The following PTPRM variants were observed in gnomAD, a reference collection of about 807,000 sequenced individuals.
PTPRM encodes the protein protein tyrosine phosphatase receptor type M, also known as receptor-type tyrosine-protein phosphatase mu.
In PTPRM, 47 loss-of-function variants were observed where a neutral mutation model predicts 186.7. The ratio of observed to expected loss-of-function variants is 0.25; its 90% CI spans 0.20 to 0.32. The LOEUF is 0.32. Ranked by LOEUF, PTPRM falls within the 10% of genes least tolerant of loss-of-function variation. The pLI is 1.00. For synonymous variants in PTPRM, 668 were observed against 674.9 expected (o/e 0.99, Z 0.16); for missense variants, 1,494 against 1,865.0 (o/e 0.80, Z 3.66).
intron 4 of PTPRM, among the ~76,000 whole-genome samples, chr18:7,910,891 C>T (rs983782548): frequency 4.6e-5 from 7 of 152,238 alleles, no homozygotes; most frequent in African/African-American, 9.6e-5. Context: ...CAGCATGATT[C>T]GGCCTCAGGT....
At chr18:7,776,512 C>CTTT (rs34343910) in intron 2 of PTPRM, among the ~76,000 whole-genome samples, 65 of 146,072 alleles carry the variant, frequency 4.4e-4, no homozygotes, top group African/African-American at 1.5e-3. Flanking sequence ...CTTTTTCTTT[C>CTTT]TTTTTTTTTT....
At chr18:8,323,374 A>G (rs570723826) in intron 22 of PTPRM, among the ~76,000 whole-genome samples, 1 of 152,168 alleles carries the variant, frequency 6.6e-6, no homozygotes, top group South Asian at 2.1e-4. Context: ...CCAAAACCAT[A>G]TGGTTAATCC....
At chr18:7,882,133 A>G (rs1469204664) in intron 2 of PTPRM, among the ~76,000 whole-genome samples, 1 of 152,208 alleles carries the variant, frequency 6.6e-6, no homozygotes, top group Admixed American at 6.5e-5. Flanking sequence ...GTCCCTGACC[A>G]GTACAGAAAC....
chr18:7,739,025 A>C (rs2040834142), intron 1 of PTPRM, among the ~76,000 whole-genome samples: 1 of 152,080 alleles, frequency 6.6e-6, no homozygotes, highest in African/African-American at 2.4e-5. Flanking sequence ...CTAGCCACTG[A>C]GCTGGTCATT....
intron 2 of PTPRM, among the ~76,000 whole-genome samples, chr18:7,866,220 T>A (rs140995278): frequency 5.4e-4 from 83 of 152,320 alleles, no homozygotes; most frequent in African/African-American, 2.0e-3. Flanking sequence ...ATTTCTTGAC[T>A]TCTGCTAGCT....
intron 1 of PTPRM, among the ~76,000 whole-genome samples, chr18:7,606,819 A>G (rs1015990719): frequency 2.0e-5 from 3 of 152,126 alleles, no homozygotes; most frequent in Non-Finnish European, 2.9e-5. Flanking sequence ...TGTTTTCTTT[A>G]GTCTGCCTTA....
chr18:7,834,489 T>TATACACACACATACACACAC (rs1555613377), intron 2 of PTPRM, among the ~76,000 whole-genome samples: 9 of 3,796 alleles, frequency 2.4e-3, no homozygotes, highest in African/African-American at 8.4e-3. Flanking sequence ...AATATACAAG[T>TATACACACACATACACACAC]ATACACACAC....
intron 14 of PTPRM, among the ~76,000 whole-genome samples, chr18:8,191,898 A>G (rs918929286): frequency 1.3e-5 from 2 of 152,200 alleles, no homozygotes; most frequent in African/African-American, 4.8e-5. Flanking sequence ...AATTGACAGT[A>G]TTACCAACCT....
At chr18:7,788,652 T>C (rs2043199249) in intron 2 of PTPRM, among the ~76,000 whole-genome samples, 1 of 152,136 alleles carries the variant, frequency 6.6e-6, no homozygotes, top group Non-Finnish European at 1.5e-5. Context: ...GACTTGAAAA[T>C]TGTGCTTAAT....
chr18:8,260,134 A>C (rs975595781), intron 19 of PTPRM, among the ~76,000 whole-genome samples: 1 of 152,086 alleles, frequency 6.6e-6, no homozygotes, highest in African/African-American at 2.4e-5. Context: ...GGAAGTGGAC[A>C]CGAGCAGTGA....
intron 19 of PTPRM, among the ~76,000 whole-genome samples, chr18:8,256,045 T>C (rs1029492067): frequency 1.6e-4 from 24 of 152,254 alleles, no homozygotes; most frequent in African/African-American, 5.8e-4. Context: ...CATGAGAATC[T>C]GGCAAATCCT....
At chr18:7,856,104 C>CAT (rs992460200) in intron 2 of PTPRM, among the ~76,000 whole-genome samples, 1 of 151,996 alleles carries the variant, frequency 6.6e-6, no homozygotes, top group Non-Finnish European at 1.5e-5. Flanking sequence ...AACATTGAGC[C>CAT]ATATCTGATT....
intron 7 of PTPRM, among the ~76,000 whole-genome samples, chr18:7,960,480 T>TATGTATATATATACAC (rs1300573371): frequency 9.2e-5 from 8 of 86,602 alleles, no homozygotes; most frequent in African/African-American, 3.1e-4. Context: ...TATATATATA[T>TATGTATATATATACAC]ACACACACAC....
intron 2 of PTPRM, among the ~76,000 whole-genome samples, chr18:7,788,219 A>G (rs972304919): frequency 2.0e-5 from 3 of 152,218 alleles, no homozygotes; most frequent in Non-Finnish European, 2.9e-5. Flanking sequence ...AATAAAGTCA[A>G]TATAAATAAT....
chr18:8,152,712 CTTTTTTTTTTT>C (rs35112154), intron 14 of PTPRM, among the ~76,000 whole-genome samples: 1 of 56,928 alleles, frequency 1.8e-5, no homozygotes, highest in Non-Finnish European at 2.9e-5. Flanking sequence ...TGCCTCACCT[CTTTTTTTTTTT>C]TTTTTTTTTT....
intron 2 of PTPRM, among the ~76,000 whole-genome samples, chr18:7,885,492 T>C (rs1393546696): frequency 6.6e-6 from 1 of 152,156 alleles, no homozygotes; most frequent in Admixed American, 6.6e-5. Context: ...GAGAGGACAG[T>C]TGCCCCTCAT....
chr18:8,330,655 AT>A (rs374567697), intron 22 of PTPRM, among the ~76,000 whole-genome samples: 125,798 of 139,474 alleles, frequency 0.9, 57,415 homozygotes, highest in South Asian at 0.99. Flanking sequence ...GCTGCCGTTC[AT>A]TTTTTTTTTT....
At chr18:7,659,798 G>C (rs1026403222) in intron 1 of PTPRM, among the ~76,000 whole-genome samples, 1 of 152,128 alleles carries the variant, frequency 6.6e-6, no homozygotes, top group Non-Finnish European at 1.5e-5. Flanking sequence ...TGGGAATCCT[G>C]GTGCCAAAAG....
chr18:7,738,587 C>T (rs1418754105), intron 1 of PTPRM, among the ~76,000 whole-genome samples: 1 of 149,730 alleles, frequency 6.7e-6, no homozygotes, highest in Non-Finnish European at 1.5e-5. Flanking sequence ...AGGCGCCCGC[C>T]ACCACACCCG....
Sources: gnomAD v4.1 joint callset for allele counts (sites outside exome capture counted in the v4.1 genomes callset) on GRCh38, gnomAD v4.1.1 for gene constraint, MANE v1.5 for transcripts, NCBI Gene and HGNC (gene_info 2026-07-23, HGNC 2026-07-21) for gene names.